The following MRPL50 variants were observed in gnomAD, a reference collection of about 807,000 sequenced individuals.
MRPL50 encodes the protein mitochondrial ribosomal protein L50.
MRPL50 carries 10 observed loss-of-function variants against 16.2 expected under a neutral mutation model. That is an observed-to-expected ratio of 0.62 (90% CI 0.38 to 1.05). The LOEUF (loss-of-function observed/expected upper bound fraction) is 1.05, where lower values mean the gene tolerates loss of function less well. MRPL50 is among the 50% of genes least tolerant of loss of function. MRPL50 has a pLI of 0.01. For synonymous variants in MRPL50, 68 were observed against 66.8 expected (o/e 1.02, Z -0.09); for missense variants, 213 against 187.1 (o/e 1.14, Z -0.81).
Position 101,388,981 on chromosome 9 carries a change from CACA to C in MRPL50, c.*1482_*1484del, listed in dbSNP as rs1293659105. 7.6e-6 allele frequency: 1 copy of C among 131,444 alleles called. No homozygotes were observed. Among genetic ancestry groups the C allele is most frequent in the Non-Finnish European group, 1.8e-5 (1 of 54,288 alleles). The allele number at this position is 131,444 out of a possible 1,614,324, so 8.1% of individuals were successfully genotyped here. ...CACAATTGTGAATACTATTTACATT[CACA>C]ACTATAACATATAACATATTATTCA... On this transcript the variant is annotated 3_prime_UTR_variant, in exon 2 of 2. Transcript: ENST00000374865.
chr9:101,398,420 C>T, intron 1 of MRPL50, 81 bp downstream of exon 1: 1 of 1,343,364 alleles, frequency 7.4e-7, no homozygotes, highest in Non-Finnish European at 1.1e-6. Context: ...ACCACGATGG[C>T]GTAACACTCT....
rs1021667955 is a variant in MRPL50 at position 101,388,847 on chromosome 9, A to G, written c.*1619T>C. The G allele has an allele frequency of 2.0e-5, 3 of 152,124 alleles. No homozygotes were observed. Among genetic ancestry groups the G allele is most frequent in the Non-Finnish European group, 4.4e-5 (3 of 68,006 alleles). 9.4% of individuals were successfully genotyped at this position (152,124 alleles called of 1,614,324 possible). A position where few individuals can be genotyped will look rare whatever the true frequency, so the allele number is the denominator to read the frequency against. Reference sequence around the variant, plus strand: ...ATGTATACTTTTTTTCCTTCTCATTATTCCCTAATCAGCATAACAACTATT... The same window carrying G: ...ATGTATACTTTTTTTCCTTCTCATTGTTCCCTAATCAGCATAACAACTATT... On this transcript the variant is annotated 3_prime_UTR_variant, in exon 2 of 2. Transcript: ENST00000374865.
rs1017460042 is a variant in MRPL50, at chr9:101,389,285, T to C, written c.*1181A>G. 3 of 284,034 alleles carry C rather than the reference T, an allele frequency of 1.1e-5. No homozygotes were observed. Among genetic ancestry groups the C allele is most frequent in the Non-Finnish European group, 2.0e-5 (3 of 149,090 alleles). 17.6% of individuals were successfully genotyped at this position (284,034 alleles called of 1,614,324 possible). ...GCATCTGTGGACTTTGGTATCCAAG[T>C]AGGTGTCCTGGAACCAATCCCCAAG... On this transcript the variant is annotated 3_prime_UTR_variant, in exon 2 of 2. Coordinates refer to ENST00000374865, the MANE Select transcript of MRPL50 (RefSeq NM_019051.3).
rs1830245151 is a variant in MRPL50 at position 101,389,783 on chromosome 9, A to C, written c.*683T>G. The C allele has an allele frequency of 4.7e-6, 1 of 211,836 alleles. No individual in the cohort carries two copies. Among genetic ancestry groups the C allele is most frequent in the Non-Finnish European group, 9.0e-6 (1 of 111,594 alleles). 13.1% of individuals were successfully genotyped at this position (211,836 alleles called of 1,614,324 possible). On this transcript the variant is annotated 3_prime_UTR_variant, in exon 2 of 2. Coordinates refer to ENST00000374865, the MANE Select transcript of MRPL50 (RefSeq NM_019051.3). The stretch of plus-strand genomic sequence containing the variant: ...GTTATAGAGAAAAAGGTTTAAAATA[A>C]GCATCATCTCCTCTGAAGAGAATAT...
intron 1 of MRPL50, among the ~76,000 whole-genome samples, chr9:101,397,542 G>A (rs1467510151): frequency 1.3e-5 from 2 of 151,960 alleles, no homozygotes; most frequent in African/African-American, 4.8e-5. Flanking sequence ...ACAAAAATTT[G>A]GTCTGTTTTA....
At position 101,390,473 on chromosome 9, in the gene MRPL50, C is replaced by A; in HGVS notation, c.470G>T (p.Ser157Ile). The change falls in exon 2 of 2, where the codon AGT becomes ATT. Residue 157 changes from serine (S) to isoleucine (I), a missense_variant. Ser to Ile is a moderately radical substitution (Grantham distance 142). Transcript: ENST00000374865. ...GTTTCTCTTCCGAATTGCTTAGTAA[C>A]TCCAAGTGATTTTCAAATTGGGGGG... is the stretch of plus-strand genomic sequence containing the variant. Reference protein sequence around the residue: ...NLPPNLKITWSY With the variant: ...NLPPNLKITWIY The A allele has an allele frequency of 6.2e-7, 1 of 1,610,432 alleles. No individual in the cohort carries two copies. Among genetic ancestry groups the A allele is most frequent in the East Asian group, 2.2e-5 (1 of 44,860 alleles).
intron 1 of MRPL50, among the ~76,000 whole-genome samples, chr9:101,397,494 TTCATTTCTTCC>T (rs1830370982): frequency 6.6e-6 from 1 of 152,232 alleles, no homozygotes; most frequent in Admixed American, 6.5e-5. Flanking sequence ...TACACATTTG[TTCATTTCTTCC>T]TCCATTAGAA....
At position 101,388,970 on chromosome 9, in the gene MRPL50, C is replaced by T. The variant is rs1051754794; in HGVS notation, c.*1496G>A. On this transcript the variant is annotated 3_prime_UTR_variant, in exon 2 of 2. Transcript: ENST00000374865. ...TACATTGTATTCACAATTGTGAATA[C>T]TATTTACATTCACAACTATAACATA... is the stretch of plus-strand genomic sequence containing the variant. 1.3e-5 allele frequency: 2 copies of T among 148,380 alleles called. No individual in the cohort carries two copies. Among genetic ancestry groups the T allele is most frequent in the African/African-American group, 4.9e-5 (2 of 41,086 alleles). The allele number at this position is 148,380 out of a possible 1,614,324, so 9.2% of individuals were successfully genotyped here.
chr9:101,398,470 A>G, intron 1 of MRPL50, 31 bp downstream of exon 1: 1 of 1,591,466 alleles, frequency 6.3e-7, no homozygotes, highest in Non-Finnish European at 8.6e-7. Flanking sequence ...CTTTCCTTGA[A>G]CATGACCCAC....
At position 101,389,933 on chromosome 9, in the gene MRPL50, C is replaced by A. The variant is rs1185242814; in HGVS notation, c.*533G>T. 1.2e-6 allele frequency: 1 copy of A among 864,432 alleles called. No homozygotes were observed. The highest frequency in any genetic ancestry group is 5.3e-5 in the South Asian group (1 of 18,854). The allele number at this position is 864,432 out of a possible 1,614,324, so 53.5% of individuals were successfully genotyped here. A position where few individuals can be genotyped will look rare whatever the true frequency, so the allele number is the denominator to read the frequency against. On this transcript the variant is annotated 3_prime_UTR_variant, in exon 2 of 2. Coordinates refer to ENST00000374865, the MANE Select transcript of MRPL50 (RefSeq NM_019051.3). ...AAGAAATGGCAAGGCAGAGCGCAAG[C>A]AAATTTCACTTAAAAAATTTACAAC...
In MRPL50 at chr9:101,388,284, T is replaced by C. The variant is rs1203248836; in HGVS notation, c.*2182A>G. On this transcript the variant is annotated 3_prime_UTR_variant, in exon 2 of 2. Transcript: ENST00000374865. ...GGCTACAAAGGAGAAATTTCTTCTG[T>C]CCTAACGATCACATGAAGCTGCTTG... 1 of 152,120 alleles carries C rather than the reference T, an allele frequency of 6.6e-6. No homozygotes were observed. The highest frequency in any genetic ancestry group is 1.5e-5 in the Non-Finnish European group (1 of 68,014). The allele number at this position is 152,120 out of a possible 1,614,324, so 9.4% of individuals were successfully genotyped here. A position where few individuals can be genotyped will look rare whatever the true frequency, so the allele number is the denominator to read the frequency against.
rs1009573280 is a variant in MRPL50 at position 101,389,629 on chromosome 9, T to TCCCAAATTTA, written c.*827_*836dup. ...CCATATCTAAAGCTTGAAAAAAAAA[T>TCCCAAATTTA]CCCAAATTTAACACCTTTGTCATTC... is the stretch of plus-strand genomic sequence containing the variant. On this transcript the variant is annotated 3_prime_UTR_variant, in exon 2 of 2. Coordinates refer to ENST00000374865, the MANE Select transcript of MRPL50 (RefSeq NM_019051.3). 6 of 432,790 alleles carry TCCCAAATTTA rather than the reference T, an allele frequency of 1.4e-5. No homozygotes were observed. The highest frequency in any genetic ancestry group is 2.2e-5 in the Non-Finnish European group (6 of 277,818). The allele number at this position is 432,790 out of a possible 1,614,324, so 26.8% of individuals were successfully genotyped here. A position where few individuals can be genotyped will look rare whatever the true frequency, so the allele number is the denominator to read the frequency against.
chr9:101,389,989 T>C lies in MRPL50; in HGVS notation c.*477A>G, dbSNP rs1279829812. 1.1e-6 allele frequency: 1 copy of C among 922,088 alleles called. No individual in the cohort carries two copies. Among genetic ancestry groups the C allele is most frequent in the African/African-American group, 1.8e-5 (1 of 55,830 alleles). 57.1% of individuals were successfully genotyped at this position (922,088 alleles called of 1,614,324 possible). A position where few individuals can be genotyped will look rare whatever the true frequency, so the allele number is the denominator to read the frequency against. On this transcript the variant is annotated 3_prime_UTR_variant, in exon 2 of 2. Transcript: ENST00000374865. The stretch of plus-strand genomic sequence containing the variant: ...ATACACTTTAACAAATCTACTTTAA[T>C]TCTAAAAGAAATTAATCTAGAACTG...
At chr9:101,393,619 A>T (rs1830301656) in intron 1 of MRPL50, among the ~76,000 whole-genome samples, 1 of 152,128 alleles carries the variant, frequency 6.6e-6, no homozygotes, top group African/African-American at 2.4e-5. Flanking sequence ...TCAACATACA[A>T]AATCAGTAGC....
intron 1 of MRPL50, among the ~76,000 whole-genome samples, chr9:101,397,854 T>C (rs1055571481): frequency 6.6e-6 from 1 of 152,188 alleles, no homozygotes; most frequent in South Asian, 2.1e-4. Flanking sequence ...CAATTACACA[T>C]GGTGCAGCCG....
Position 101,390,514 on chromosome 9 carries a change from G to A in MRPL50, c.429C>T (p.Leu143=). 6.2e-7 allele frequency: 1 copy of A among 1,612,914 alleles called. No individual in the cohort carries two copies. ...PIQDRSKFDE[L]SASNLPPNLK... ...AATTGGGGGGCAGATTACTGGCACTGAGTTCATCAAATTTAGATCTATCTT... is the reference window on the plus strand; with the variant it reads ...AATTGGGGGGCAGATTACTGGCACTAAGTTCATCAAATTTAGATCTATCTT... The change falls in exon 2 of 2, where the codon CTC becomes CTT. Residue 143 remains leucine (L), a synonymous_variant. Coordinates refer to ENST00000374865, the MANE Select transcript of MRPL50 (RefSeq NM_019051.3).
In MRPL50 at chr9:101,398,604, T is replaced by A. The variant is rs1588151584; in HGVS notation, c.-12A>T. On this transcript the variant is annotated 5_prime_UTR_variant, in exon 1 of 2. Coordinates refer to ENST00000374865, the MANE Select transcript of MRPL50 (RefSeq NM_019051.3). ...GATCGCGCCGCCATCTTCGATGAGATCCACGGGCCTGAGCGCAGCCTTCAG... is the reference window on the plus strand; with the variant it reads ...GATCGCGCCGCCATCTTCGATGAGAACCACGGGCCTGAGCGCAGCCTTCAG... The A allele has an allele frequency of 6.2e-7, 1 of 1,612,644 alleles. No homozygotes were observed. The highest frequency in any genetic ancestry group is 1.3e-5 in the African/African-American group (1 of 74,902).
Position 101,388,026 on chromosome 9 carries a change from T to A in MRPL50, c.*2440A>T, listed in dbSNP as rs1045126473. On this transcript the variant is annotated 3_prime_UTR_variant, in exon 2 of 2. Transcript: ENST00000374865. ...TTAGGATGTGTTTACCCTCGTCGGC[T>A]AAATTTACCAAGACTGTTGTTTCAG... The A allele has an allele frequency of 6.6e-6, 1 of 152,050 alleles. No homozygotes were observed. The highest frequency in any genetic ancestry group is 1.5e-5 in the Non-Finnish European group (1 of 67,974). 9.4% of individuals were successfully genotyped at this position (152,050 alleles called of 1,614,324 possible). A position where few individuals can be genotyped will look rare whatever the true frequency, so the allele number is the denominator to read the frequency against.
In MRPL50 at chr9:101,390,608, A is replaced by T. The variant is rs1456824645; in HGVS notation, c.335T>A (p.Val112Asp). 2 of 1,613,428 alleles carry T rather than the reference A, an allele frequency of 1.2e-6. No homozygotes were observed. The highest frequency in any genetic ancestry group is 8.5e-7 in the Non-Finnish European group (1 of 1,179,576). Residue 112 changes from valine to aspartate, a missense_variant, in exon 2 of 2, where the codon GTC becomes GAC. Transcript: ENST00000374865. ...CATCTGGTGGAGTCTGGAGTTAGGGACTACATGACCCAAGTCATCAGCTAA... is the reference window on the plus strand; with the variant it reads ...CATCTGGTGGAGTCTGGAGTTAGGGTCTACATGACCCAAGTCATCAGCTAA... ...AHLADDLGHV[V>D]PNSRLHQMCR... is the part of the protein sequence containing the mutation.
Sources: gnomAD v4.1 joint callset for allele counts (sites outside exome capture counted in the v4.1 genomes callset) on GRCh38, gnomAD v4.1.1 for gene constraint, MANE v1.5 for transcripts, NCBI Gene and HGNC (gene_info 2026-07-23, HGNC 2026-07-21) for gene names.